DACH1: variants seen among roughly 807,000 people sequenced by gnomAD.
The protein encoded by DACH1 is dachshund family transcription factor 1, also known as dachshund homolog 1.
DACH1 carries 12 observed loss-of-function variants against 54.2 expected under a neutral mutation model. That is an observed-to-expected ratio of 0.22 (90% CI 0.14 to 0.36). DACH1 has a LOEUF of 0.36. Ranked by LOEUF, DACH1 falls within the 10% of genes least tolerant of loss-of-function variation. The pLI is 1.00. For synonymous variants in DACH1, 386 were observed against 366.2 expected (o/e 1.05, Z -0.62); for missense variants, 805 against 929.8 (o/e 0.87, Z 1.75).
chr13:71,447,503 T>A (rs1593706896), intron 10 of DACH1, among the ~76,000 whole-genome samples: 1 of 152,294 alleles, frequency 6.6e-6, no homozygotes, highest in Non-Finnish European at 1.5e-5. Context: ...TTGAACAGAT[T>A]GATCATTTAT....
In DACH1 at chr13:71,640,613, AT is replaced by A. The variant is rs527355042; in HGVS notation, c.965-9897del. Among the ~76,000 whole-genome samples the A allele has an allele frequency of 1.1e-3, 162 of 152,168 alleles. 1 individual carries two copies. Among genetic ancestry groups the A allele is most frequent in the Non-Finnish European group, 1.8e-3 (124 of 67,916 alleles). On this transcript the variant is annotated intron_variant, in intron 2 of 10. Transcript: ENST00000613252. ...TCATTATATCTTTTTCAATTATTTA[AT>A]AAACTAGGCATTAGATATCTTCATG...
At chr13:71,486,456 A>C (rs1381592590) in intron 7 of DACH1, among the ~76,000 whole-genome samples, 1 of 152,152 alleles carries the variant, frequency 6.6e-6, no homozygotes, top group Non-Finnish European at 1.5e-5. Context: ...TGACTGTTTA[A>C]ACATTCCATA....
intron 7 of DACH1, among the ~76,000 whole-genome samples, chr13:71,482,307 T>C (rs1202473202): frequency 6.6e-6 from 1 of 152,180 alleles, no homozygotes; most frequent in East Asian, 1.9e-4. Flanking sequence ...AATATCTGTC[T>C]ATATAAGAAG....
chr13:71,605,999 C>A (rs1366954325), intron 3 of DACH1, among the ~76,000 whole-genome samples: 1 of 152,054 alleles, frequency 6.6e-6, no homozygotes, highest in Non-Finnish European at 1.5e-5. Context: ...ACCTATCTCA[C>A]TGAAGCTACA....
intron 1 of DACH1, among the ~76,000 whole-genome samples, chr13:71,779,613 A>G (rs1436221270): frequency 6.6e-6 from 1 of 152,048 alleles, no homozygotes; most frequent in African/African-American, 2.4e-5. Context: ...CCTAAACCAT[A>G]TTGGAAGCTC....
At chr13:71,719,467 T>A (rs1268418129) in intron 1 of DACH1, among the ~76,000 whole-genome samples, 2 of 152,160 alleles carry the variant, frequency 1.3e-5, no homozygotes, top group African/African-American at 4.8e-5. Context: ...CATTACAATT[T>A]CATGCAATGC....
At chr13:71,552,829 A>G (rs1350585640) in intron 6 of DACH1, among the ~76,000 whole-genome samples, 1 of 58,666 alleles carries the variant, frequency 1.7e-5, no homozygotes, top group Non-Finnish European at 3.2e-5. Flanking sequence ...ATATATATAT[A>G]TATATATATA....
chr13:71,748,876 T>TTC (rs199954970), intron 1 of DACH1, among the ~76,000 whole-genome samples: 1 of 15,342 alleles, frequency 6.5e-5, no homozygotes, highest in African/African-American at 1.1e-4. Context: ...CTTTCTTTCT[T>TTC]TCTTTCTTTC....
intron 2 of DACH1, among the ~76,000 whole-genome samples, chr13:71,654,440 A>AAAAT (rs1566409023): frequency 8.4e-5 from 12 of 142,132 alleles, no homozygotes; most frequent in Non-Finnish European, 1.8e-4. Context: ...AAAATAAAAT[A>AAAAT]AAATAAAATA....
intron 1 of DACH1, among the ~76,000 whole-genome samples, chr13:71,855,204 G>A (rs983203790): frequency 8.6e-5 from 13 of 151,964 alleles, no homozygotes; most frequent in African/African-American, 3.1e-4. Flanking sequence ...AATGTTAAGT[G>A]AGAAAAGAAT....
At position 71,866,189 on chromosome 13, in the gene DACH1, C is replaced by G; in HGVS notation, c.581G>C (p.Arg194Thr). Residue 194 changes from arginine (R) to threonine (T), a missense_variant, in exon 1 of 11, where the codon AGG (arginine) becomes ACG (threonine). Physicochemically the swap from Arg to Thr is moderately conservative, Grantham distance 71. This residue lies in a region of DACH1 where 305 missense variants were observed against 308.7 expected (regional missense o/e 0.99). Coordinates refer to ENST00000613252, the MANE Select transcript of DACH1 (RefSeq NM_080759.6). ...QNNECKMVDLRGAKVASFTVE... is the reference protein window; with the variant it reads ...QNNECKMVDLTGAKVASFTVE... ...CGTGAAGGAAGCCACTTTGGCCCCC[C>G]TCAGATCCACCATTTTGCACTCATT... The G allele has an allele frequency of 6.2e-7, 1 of 1,612,990 alleles. No individual in the cohort carries two copies. The highest frequency in any genetic ancestry group is 8.5e-7 in the Non-Finnish European group (1 of 1,179,528).
intron 1 of DACH1, among the ~76,000 whole-genome samples, chr13:71,755,500 T>C (rs916656298): frequency 6.6e-6 from 1 of 152,186 alleles, no homozygotes; most frequent in African/African-American, 2.4e-5. Flanking sequence ...CCAAGATTAT[T>C]GTTAGAGCTA....
chr13:71,839,438 T>C (rs974521654), intron 1 of DACH1, among the ~76,000 whole-genome samples: 6 of 151,934 alleles, frequency 3.9e-5, no homozygotes, highest in African/African-American at 9.7e-5. Context: ...AAACCCCGTA[T>C]CTACTAAAAA....
At chr13:71,581,603 T>C (rs548358738) in intron 3 of DACH1, among the ~76,000 whole-genome samples, 1 of 152,324 alleles carries the variant, frequency 6.6e-6, no homozygotes, top group Admixed American at 6.5e-5. Flanking sequence ...TAAAGAATGG[T>C]AATATGTTTA....
intron 6 of DACH1, among the ~76,000 whole-genome samples, chr13:71,550,791 T>C (rs1883762700): frequency 6.6e-6 from 1 of 152,068 alleles, no homozygotes. Flanking sequence ...GAACTAAAAG[T>C]GATGGCACTA....
chr13:71,746,715 G>A (rs1489374045), intron 1 of DACH1, among the ~76,000 whole-genome samples: 2 of 152,178 alleles, frequency 1.3e-5, no homozygotes, highest in South Asian at 2.1e-4. Flanking sequence ...AAGCTTATGA[G>A]CTACTGGTGC....
intron 1 of DACH1, among the ~76,000 whole-genome samples, chr13:71,809,584 T>A (rs1887633761): frequency 6.6e-6 from 1 of 152,192 alleles, no homozygotes; most frequent in Admixed American, 6.5e-5. Context: ...TAAGGAATAT[T>A]TTTTTAAATG....
chr13:71,610,206 A>C (rs1875218270), intron 3 of DACH1, among the ~76,000 whole-genome samples: 1 of 152,180 alleles, frequency 6.6e-6, no homozygotes, highest in Admixed American at 6.5e-5. Flanking sequence ...ACTAAATAGA[A>C]CTAGAATATA....
At chr13:71,747,795 C>T (rs1884662678) in intron 1 of DACH1, among the ~76,000 whole-genome samples, 1 of 152,114 alleles carries the variant, frequency 6.6e-6, no homozygotes, top group African/African-American at 2.4e-5. Context: ...TCCTAGCCTC[C>T]TTTCTCTGGG....
Sources: gnomAD v4.1 joint callset for allele counts (sites outside exome capture counted in the v4.1 genomes callset) on GRCh38, gnomAD v4.1.1 for gene constraint, gnomAD v4.1.1 regional missense constraint, MANE v1.5 for transcripts, NCBI Gene and HGNC (gene_info 2026-07-23, HGNC 2026-07-21) for gene names.